Variants in DRC1 observed in about 807,000 individuals in gnomAD.
The protein encoded by DRC1 is dynein regulatory complex subunit 1.
A neutral mutation model predicts 98.7 loss-of-function variants in DRC1; 74 were observed. The ratio of observed to expected loss-of-function variants is 0.75; its 90% CI spans 0.62 to 0.91. DRC1 has a LOEUF of 0.91. DRC1 is among the 40% of genes least tolerant of loss of function. The probability of loss-of-function intolerance (pLI) is 0.00; values close to 1 mark genes in which losing one functional copy is unlikely to be tolerated. For synonymous variants in DRC1, 336 were observed against 334.1 expected (o/e 1.01, Z -0.06); for missense variants, 875 against 886.0 (o/e 0.99, Z 0.16).
At chr2:26,456,426 G>A in intron 16 of DRC1, 35 bp from the exon 17 acceptor site, 1 of 1,613,770 alleles carries the variant, frequency 6.2e-7, no homozygotes, top group Non-Finnish European at 8.5e-7. Context: ...AGGGCCCTGG[G>A]AAAAATGTAA....
At chr2:26,429,372 C>T (rs1168972496) in intron 4 of DRC1, among the ~76,000 whole-genome samples, 2 of 151,964 alleles carry the variant, frequency 1.3e-5, no homozygotes, top group East Asian at 3.9e-4. Flanking sequence ...TGCACCACCA[C>T]ATCTGGCTAA....
At chr2:26,433,110 A>G (rs1189661267) in intron 7 of DRC1, among the ~76,000 whole-genome samples, 2 of 152,212 alleles carry the variant, frequency 1.3e-5, no homozygotes, top group Non-Finnish European at 2.9e-5. Context: ...TGTCTTTGGT[A>G]TTGAAGAAGG....
At position 26,448,681 on chromosome 2, in the gene DRC1, C is replaced by T. The variant is rs1663921641; in HGVS notation, c.1397-10C>T. ...TTTCTTTCTCTCTCCTCCCCATGAC[C>T]CAACTGCAGAAGAGGAGGAGGCAGA... On this transcript the variant is annotated splice_polypyrimidine_tract_variant and intron_variant, in intron 10 of 16. Coordinates refer to ENST00000288710, the MANE Select transcript of DRC1 (RefSeq NM_145038.5). 1 of 1,613,572 alleles carries T rather than the reference C, an allele frequency of 6.2e-7. No individual in the cohort carries two copies. The highest frequency in any genetic ancestry group is 1.3e-5 in the African/African-American group (1 of 74,918).
rs763897759 is a variant in DRC1, at chr2:26,453,487, C to T, written c.1857C>T (p.Val619=). 6.2e-7 allele frequency: 1 copy of T among 1,614,150 alleles called. No homozygotes were observed. The highest frequency in any genetic ancestry group is 1.1e-5 in the South Asian group (1 of 91,070). ...EEEETPPSPW[V]IHPNDVLKIL... The stretch of plus-strand genomic sequence containing the variant: ...AGGAGACCCCACCCTCCCCCTGGGT[C>T]ATCCACCCCAATGATGTCCTCAAGA... Residue 619 remains valine (V), a synonymous_variant, in exon 14 of 17, where the codon GTC becomes GTT. Coordinates refer to ENST00000288710, the MANE Select transcript of DRC1 (RefSeq NM_145038.5).
intron 15 of DRC1, 102 bp from the exon 16 acceptor site, chr2:26,455,029 C>A: frequency 1.4e-6 from 2 of 1,413,372 alleles, no homozygotes; most frequent in Non-Finnish European, 2.0e-6. Flanking sequence ...CTTCTGGAGT[C>A]TCCCTCCACC....
chr2:26,430,749 A>G (rs1188906821), intron 5 of DRC1, 37 bp from the exon 6 acceptor site: 6 of 1,610,010 alleles, frequency 3.7e-6, no homozygotes, highest in Non-Finnish European at 5.1e-6. Flanking sequence ...TGCCCAATCA[A>G]AACAGATGCA....
At position 26,429,215 on chromosome 2, in the gene DRC1, T is replaced by G. The variant is rs1663366244; in HGVS notation, c.541-413T>G. Among the ~76,000 whole-genome samples the G allele has an allele frequency of 3.0e-5, 2 of 67,558 alleles. 1 individual carries two copies. Among genetic ancestry groups the G allele is most frequent in the Admixed American group, 2.9e-4 (2 of 6,790 alleles). The allele number at this position is 67,558 out of a possible 152,430, so 44.3% of individuals were successfully genotyped here. On this transcript the variant is annotated intron_variant, in intron 4 of 16. Coordinates refer to ENST00000288710, the MANE Select transcript of DRC1 (RefSeq NM_145038.5). ...TTATTATTATTATTATTATTATTAT[T>G]ATTATTATTATTATTATTGAGACAG...
chr2:26,442,466 A>G (rs1663742742), intron 8 of DRC1, among the ~76,000 whole-genome samples: 1 of 151,908 alleles, frequency 6.6e-6, no homozygotes, highest in Admixed American at 6.6e-5. Flanking sequence ...TTCTTAATGT[A>G]TTTGTTTCCT....
At chr2:26,449,821 G>C (rs1380225240) in intron 11 of DRC1, among the ~76,000 whole-genome samples, 175 bp from the exon 12 acceptor site, 1 of 152,090 alleles carries the variant, frequency 6.6e-6, no homozygotes, top group Non-Finnish European at 1.5e-5. Context: ...CCTGGGGAGG[G>C]GGGCGTTCAT....
At chr2:26,435,613 C>G (rs752796805) in intron 7 of DRC1, among the ~76,000 whole-genome samples, 2 of 152,154 alleles carry the variant, frequency 1.3e-5, no homozygotes, top group Non-Finnish European at 2.9e-5. Context: ...TACTGTTCCC[C>G]TCTTTGTGTC....
At chr2:26,455,775 C>T (rs1353201423) in intron 16 of DRC1, among the ~76,000 whole-genome samples, 1 of 152,238 alleles carries the variant, frequency 6.6e-6, no homozygotes, top group Non-Finnish European at 1.5e-5. Flanking sequence ...TATTCCCTGG[C>T]CCCCATCTGT....
chr2:26,453,302 C>A lies in DRC1; in HGVS notation c.1690-18C>A. On this transcript the variant is annotated intron_variant, in intron 13 of 16. Transcript: ENST00000288710. ...TCGTGTGTCCCCAGCCCACAGTTGT[C>A]CGTGCATCTTTCTCCAGATCAAGCC... 6.2e-7 allele frequency: 1 copy of A among 1,613,818 alleles called. No homozygotes were observed. The highest frequency in any genetic ancestry group is 1.1e-5 in the South Asian group (1 of 91,020).
Position 26,456,487 on chromosome 2 carries a change from C to T in DRC1, c.2193C>T (p.Pro731=), listed in dbSNP as rs1464459391. 6.2e-7 allele frequency: 1 copy of T among 1,614,176 alleles called. No individual in the cohort carries two copies. The highest frequency in any genetic ancestry group is 2.2e-5 in the East Asian group (1 of 44,880). Residue 731 remains proline (P), a synonymous_variant, in exon 17 of 17, where the codon CCC becomes CCT. Coordinates refer to ENST00000288710, the MANE Select transcript of DRC1 (RefSeq NM_145038.5). ...SKINSELQVP[P]TQVLRVPTK ...TCAACTCTGAACTGCAAGTTCCTCC[C>T]ACTCAGGTGTTGCGGGTACCCACAA...
chr2:26,406,813 CTTT>C (rs5830010), intron 1 of DRC1, among the ~76,000 whole-genome samples: 47 of 101,612 alleles, frequency 4.6e-4, no homozygotes, highest in Non-Finnish European at 6.6e-4. Flanking sequence ...TGTCACTTTC[CTTT>C]TTTTTTTTTT....
chr2:26,444,016 G>A (rs372477738), intron 8 of DRC1, among the ~76,000 whole-genome samples: 53 of 152,214 alleles, frequency 3.5e-4, no homozygotes, highest in African/African-American at 1.2e-3. Context: ...TTTTCAATGC[G>A]TTTCGTTTTG....
chr2:26,444,692 A>G (rs202156632), intron 9 of DRC1, 24 bp from the exon 10 acceptor site: 9 of 1,610,282 alleles, frequency 5.6e-6, no homozygotes, highest in South Asian at 1.1e-5. Flanking sequence ...CCAGCTGGCC[A>G]TGCTCTGTGA....
At chr2:26,429,596 T>C (rs1416594752) in intron 4 of DRC1, 32 bp from the exon 5 acceptor site, 9 of 1,609,830 alleles carry the variant, frequency 5.6e-6, no homozygotes, top group Non-Finnish European at 7.6e-6. Flanking sequence ...CTGACACAGT[T>C]TGTGGCCAGA....
chr2:26,448,777 ATCCTGATGC>A lies in DRC1; in HGVS notation c.1489_1497del (p.Met497_Leu499del). The A allele has an allele frequency of 1.9e-6, 3 of 1,614,216 alleles. No individual in the cohort carries two copies. The highest frequency in any genetic ancestry group is 2.5e-6 in the Non-Finnish European group (3 of 1,180,048). On this transcript the variant is annotated inframe_deletion, in exon 11 of 17. Transcript: ENST00000288710. Reference sequence around the variant, plus strand: ...AATTTCTGAAAAAACTACCAAGAGGATCCTGATGCTCCTGTGTGACGAGTCGGTGAGGCC... The same window carrying A: ...AATTTCTGAAAAAACTACCAAGAGGATCCTGTGTGACGAGTCGGTGAGGCC...
At chr2:26,418,560 A>ATAAATTATATATAATT (rs1678896254) in intron 2 of DRC1, among the ~76,000 whole-genome samples, 1 of 107,348 alleles carries the variant, frequency 9.3e-6, no homozygotes, top group Non-Finnish European at 1.7e-5. Flanking sequence ...TATATAATTT[A>ATAAATTATATATAATT]TATATAATAT....
Sources: allele counts gnomAD v4.1 joint callset (sites outside exome capture counted in the v4.1 genomes callset), GRCh38; gene constraint gnomAD v4.1.1; transcripts MANE v1.5; gene names NCBI Gene and HGNC (gene_info 2026-07-23, HGNC 2026-07-21).